DOCK7: variants seen among roughly 807,000 people sequenced by gnomAD.
The protein encoded by DOCK7 is dedicator of cytokinesis 7.
A neutral mutation model predicts 271.0 loss-of-function variants in DOCK7; 138 were observed. That is an observed-to-expected ratio of 0.51 (90% CI 0.44 to 0.59). DOCK7 has a LOEUF of 0.59. DOCK7 is among the 20% of genes least tolerant of loss of function. The pLI is 0.00. For synonymous variants in DOCK7, 823 were observed against 876.1 expected, an observed-to-expected ratio of 0.94 and a Z score of 1.07; for missense variants, 2,066 against 2,592.4, an observed-to-expected ratio of 0.80 and a Z score of 4.41.
chr1:62,585,433 A>G (rs1308675415), intron 15 of DOCK7, among the ~76,000 whole-genome samples: 1 of 152,182 alleles, frequency 6.6e-6, no homozygotes, highest in South Asian at 2.1e-4. Flanking sequence ...TAGCAATAGC[A>G]TATTTCTATT....
Position 62,604,416 on chromosome 1 carries a change from C to T in DOCK7, c.1682+14290G>A, listed in dbSNP as rs377672180. On this transcript the variant is annotated intron_variant, in intron 14 of 49. Coordinates refer to ENST00000635253, the MANE Select transcript of DOCK7 (RefSeq NM_001367561.1). ...ATTCTAGTTCAATCAGGTATTTTACCTCTAATCTTCCTCAGATTTTCTATT... is the reference window on the plus strand; with the variant it reads ...ATTCTAGTTCAATCAGGTATTTTACTTCTAATCTTCCTCAGATTTTCTATT... The T allele has an allele frequency of 7.4e-5, 66 of 895,040 alleles. No individual in the cohort carries two copies. The East Asian group carries it at 9.8e-4, about 13-fold the overall frequency. 55.4% of individuals were successfully genotyped at this position (895,040 alleles called of 1,614,324 possible).
chr1:62,493,599 A>G (rs1646528025), intron 40 of DOCK7, among the ~76,000 whole-genome samples: 1 of 152,226 alleles, frequency 6.6e-6, no homozygotes, highest in African/African-American at 2.4e-5. Flanking sequence ...CCCACAGTTA[A>G]TTCAACAGCA....
Position 62,619,889 on chromosome 1 carries a change from T to A in DOCK7, c.1519+11A>T. On this transcript the variant is annotated intron_variant, in intron 13 of 49. Transcript: ENST00000635253. ...TAGTTGCAACCATTTCTACTCAAAA[T>A]TTTTAAATACCTGTAATAGGTCTTA... The A allele has an allele frequency of 6.3e-7, 1 of 1,591,120 alleles. No individual in the cohort carries two copies. The highest frequency in any genetic ancestry group is 1.4e-5 in the African/African-American group (1 of 74,012).
At chr1:62,587,235 A>G (rs1373947738) in intron 14 of DOCK7, among the ~76,000 whole-genome samples, 1 of 151,328 alleles carries the variant, frequency 6.6e-6, no homozygotes, top group Non-Finnish European at 1.5e-5. Context: ...TCATAGACAA[A>G]CTTTAATAGT....
chr1:62,593,612 C>T (rs1006313639), intron 14 of DOCK7, among the ~76,000 whole-genome samples: 36 of 152,100 alleles, frequency 2.4e-4, no homozygotes, highest in Admixed American at 8.5e-4. Context: ...TCCAAAGATA[C>T]GGCTGTTCAA....
chr1:62,556,785 A>G (rs929283454), intron 20 of DOCK7, among the ~76,000 whole-genome samples: 2 of 152,200 alleles, frequency 1.3e-5, no homozygotes, highest in Non-Finnish European at 2.9e-5. Context: ...AGTTTTCCCA[A>G]AAGTAGAATA....
At chr1:62,603,979 G>C (rs1650541799) in intron 14 of DOCK7, 1 of 1,612,696 alleles carries the variant, frequency 6.2e-7, no homozygotes, top group African/African-American at 1.3e-5. Flanking sequence ...GAGAATTTTG[G>C]TTGGGCCTAG....
chr1:62,640,119 A>C (rs971890704), intron 7 of DOCK7, among the ~76,000 whole-genome samples: 7 of 152,316 alleles, frequency 4.6e-5, no homozygotes, highest in Middle Eastern at 6.8e-3. Context: ...AAATGTTGAG[A>C]ATACTTACAA....
intron 37 of DOCK7, among the ~76,000 whole-genome samples, chr1:62,498,990 C>A (rs1646702688): frequency 6.6e-6 from 1 of 151,880 alleles, no homozygotes; most frequent in African/African-American, 2.4e-5. Context: ...TTAGTAGAGA[C>A]AAGGTTTCAC....
intron 14 of DOCK7, chr1:62,608,314 T>C (rs1651300698): frequency 6.6e-6 from 1 of 152,240 alleles, no homozygotes; most frequent in Non-Finnish European, 1.5e-5. Context: ...CAGCCATTTT[T>C]TCCCACAACA....
chr1:62,593,864 T>C (rs1475587718), intron 14 of DOCK7, among the ~76,000 whole-genome samples: 3 of 152,076 alleles, frequency 2.0e-5, no homozygotes, highest in Admixed American at 6.5e-5. Context: ...CTATTGTAGT[T>C]AAAAAGGAAA....
At chr1:62,549,869 C>T (rs1053625976) in intron 22 of DOCK7, among the ~76,000 whole-genome samples, 1 of 152,148 alleles carries the variant, frequency 6.6e-6, no homozygotes, top group Non-Finnish European at 1.5e-5. Context: ...TCTCCATCTC[C>T]ATGAGTTCAG....
intron 14 of DOCK7, among the ~76,000 whole-genome samples, chr1:62,616,533 G>A (rs1372620161): frequency 1.3e-5 from 2 of 151,688 alleles, no homozygotes; most frequent in Non-Finnish European, 3.0e-5. Flanking sequence ...AATGCTGGAT[G>A]TCCTAACATT....
chr1:62,633,424 G>T, intron 10 of DOCK7, 74 bp downstream of exon 10: 2 of 1,122,340 alleles, frequency 1.8e-6, no homozygotes, highest in Non-Finnish European at 2.7e-6. Flanking sequence ...CATATAAAAT[G>T]CTATTGGGAG....
chr1:62,601,727 C>A, intron 14 of DOCK7: 1 of 1,303,904 alleles, frequency 7.7e-7, no homozygotes, highest in East Asian at 2.3e-5. Flanking sequence ...AGATATTATT[C>A]CTATTACTAA....
intron 14 of DOCK7, among the ~76,000 whole-genome samples, chr1:62,591,642 C>T (rs1360624242): frequency 2.0e-5 from 3 of 152,112 alleles, no homozygotes; most frequent in South Asian, 2.1e-4. Flanking sequence ...GCCATGCATG[C>T]TTCCCTCTAC....
rs10889342 is a variant in DOCK7 at position 62,553,181 on chromosome 1, C to T, written c.2597-280G>A. ...TCCCGAGTAGCTGGGACTACAGGTG[C>T]GTGCCACCACGCCCGGCTAATTTTT... On this transcript the variant is annotated intron_variant, in intron 21 of 49. Transcript: ENST00000635253. Among the ~76,000 whole-genome samples the T allele has an allele frequency of 0.32, 46,591 of 146,994 alleles. 7,518 individuals are homozygous for T. The highest frequency in any genetic ancestry group is 0.42 in the South Asian group (1,937 of 4,644).
rs527798977 is a variant in DOCK7, at chr1:62,470,576, A to G, written c.6212+3406T>C. On this transcript the variant is annotated intron_variant, in intron 48 of 49. Coordinates refer to ENST00000635253, the MANE Select transcript of DOCK7 (RefSeq NM_001367561.1). ...TTTGGGAGGCCGACTCAGGCAGATC[A>G]TGAGGTCAGGAGTTCGAGACCAGCC... Among the ~76,000 whole-genome samples, 107 of 152,280 alleles carry G rather than the reference A, an allele frequency of 7.0e-4. No homozygotes were observed. In the South Asian group the frequency reaches 0.022, roughly 31 times the overall value.
chr1:62,619,856 GATA>G, intron 13 of DOCK7, 41 bp downstream of exon 13: 2 of 1,248,584 alleles, frequency 1.6e-6, no homozygotes, highest in Non-Finnish European at 2.3e-6. Context: ...ACATAGTAGT[GATA>G]ATAATAGTTG....
Sources: allele counts gnomAD v4.1 joint callset (sites outside exome capture counted in the v4.1 genomes callset), GRCh38; gene constraint gnomAD v4.1.1; transcripts MANE v1.5; gene names NCBI Gene and HGNC (gene_info 2026-07-23, HGNC 2026-07-21).